Variants in TRPM2 observed in about 807,000 individuals in gnomAD.
The protein encoded by TRPM2 is transient receptor potential cation channel subfamily M member 2, also known as estrogen-responsive element-associated gene 1 protein.
Under a neutral mutation model 174.0 loss-of-function variants are expected in TRPM2, and 161 were observed. The ratio of observed to expected loss-of-function variants is 0.93; its 90% confidence interval spans 0.81 to 1.05. The LOEUF (loss-of-function observed/expected upper bound fraction) is 1.05, where lower values mean the gene tolerates loss of function less well. TRPM2 is among the 50% of genes least tolerant of loss of function. The probability of loss-of-function intolerance (pLI) is 0.00; values close to 1 mark genes in which losing one functional copy is unlikely to be tolerated. For synonymous variants in TRPM2, 954 were observed against 861.3 expected (o/e 1.11, Z -1.88); for missense variants, 2,057 against 2,038.0 (o/e 1.01, Z -0.18).
chr21:44,363,665 G>A (rs763152014), intron 2 of TRPM2, among the ~76,000 whole-genome samples: 5 of 152,126 alleles, frequency 3.3e-5, no homozygotes, highest in Non-Finnish European at 5.9e-5. Context: ...TCATCTTGGC[G>A]TTGGTGGCTG....
Position 44,391,370 on chromosome 21 carries a change from T to C in TRPM2, c.1539T>C (p.Phe513=), listed in dbSNP as rs2146241401. Residue 513 remains phenylalanine (F), a synonymous_variant, in exon 11 of 32, where the codon TTT becomes TTC. Coordinates refer to ENST00000397928, the MANE Select transcript of TRPM2 (RefSeq NM_003307.4). The surrounding 1 kb of genome is among the most constrained non-coding windows in gnomAD (Gnocchi z 5.0). ...AGAACGGGGTGCAGCTGAAGGAGTT[T>C]GTCACCTGGGACACCTTGCTCTACC... is the stretch of plus-strand genomic sequence containing the variant. The part of the protein sequence containing the change: ...FLENGVQLKE[F]VTWDTLLYLY... The C allele has an allele frequency of 6.2e-7, 1 of 1,614,190 alleles. No homozygotes were observed. Among genetic ancestry groups the C allele is most frequent in the East Asian group, 2.2e-5 (1 of 44,890 alleles).
chr21:44,423,706 C>G lies in TRPM2; in HGVS notation c.3523C>G (p.Gln1175Glu). 1 of 1,611,150 alleles carries G rather than the reference C, an allele frequency of 6.2e-7. No homozygotes were observed. The highest frequency in any genetic ancestry group is 2.2e-5 in the East Asian group (1 of 44,816). ...ACTGAAGAGGTCGGGCTCCATGGAGCAGAGGTTGGCCTCCCTGGAGGAGCA... is the reference window on the plus strand; with the variant it reads ...ACTGAAGAGGTCGGGCTCCATGGAGGAGAGGTTGGCCTCCCTGGAGGAGCA... ...DPLKRSGSME[Q>E]RLASLEEQVA... The change falls in exon 23 of 32, where the codon CAG (glutamine) becomes GAG (glutamate). Residue 1175 changes from glutamine (Q) to glutamate (E), a missense_variant. Transcript: ENST00000397928.
intron 20 of TRPM2, chr21:44,415,699 C>T (rs1259845137): frequency 6.6e-6 from 1 of 152,126 alleles, no homozygotes; most frequent in Non-Finnish European, 1.5e-5. Flanking sequence ...TCTTTAAATC[C>T]TAGTGTCTTG....
intron 15 of TRPM2, among the ~76,000 whole-genome samples, chr21:44,400,889 G>A (rs962028989): frequency 1.3e-5 from 2 of 152,222 alleles, no homozygotes; most frequent in Admixed American, 6.5e-5. Context: ...TTGCTGGGGC[G>A]TTGTGGGATC....
chr21:44,380,408 G>A (rs1009373915), intron 8 of TRPM2, among the ~76,000 whole-genome samples: 3 of 152,266 alleles, frequency 2.0e-5, no homozygotes, highest in East Asian at 1.9e-4. Context: ...GGGACTTGTC[G>A]GGCGGGCCCT....
At chr21:44,359,178 C>CCAA (rs2048142987) in intron 2 of TRPM2, among the ~76,000 whole-genome samples, 1 of 150,984 alleles carries the variant, frequency 6.6e-6, no homozygotes, top group Non-Finnish European at 1.5e-5. Context: ...CAGAGCATGG[C>CCAA]TTGGTCCATT....
At chr21:44,436,252 G>A (rs1008459160) in intron 28 of TRPM2, among the ~76,000 whole-genome samples, 4 of 152,162 alleles carry the variant, frequency 2.6e-5, no homozygotes, top group African/African-American at 9.7e-5. Flanking sequence ...CATTGGGCAG[G>A]AATGGGATTC....
chr21:44,441,613 C>CGAA, intron 31 of TRPM2, 79 bp from the exon 32 acceptor site: 4 of 1,490,968 alleles, frequency 2.7e-6, no homozygotes, highest in Non-Finnish European at 3.6e-6. Context: ...CCCAAGCCCT[C>CGAA]GAAGGCTGCA....
intron 19 of TRPM2, among the ~76,000 whole-genome samples, chr21:44,409,983 G>T (rs2050044197): frequency 6.7e-6 from 1 of 150,220 alleles, no homozygotes; most frequent in African/African-American, 2.5e-5. Context: ...TCACTCTCTT[G>T]GTTGGCGTAG....
intron 11 of TRPM2, 129 bp from the exon 12 acceptor site, chr21:44,395,285 A>T: frequency 8.7e-7 from 1 of 1,148,430 alleles, no homozygotes; most frequent in Non-Finnish European, 1.2e-6. Flanking sequence ...TGCAGGTTGT[A>T]GTTCTCCAGG....
intron 8 of TRPM2, among the ~76,000 whole-genome samples, chr21:44,381,127 G>A (rs2048868349): frequency 6.6e-6 from 1 of 152,102 alleles, no homozygotes; most frequent in Non-Finnish European, 1.5e-5. Context: ...AGGCATGGAG[G>A]TGGAGTGTGA....
chr21:44,353,685 G>A lies in TRPM2; in HGVS notation c.-16G>A. ...AGGGCAGCAGGCCTGGTTGCAGCTG[G>A]CGTGGGGGTCTCAGAATGGAGCCCT... On this transcript the variant is annotated 5_prime_UTR_variant, in exon 1 of 32. Coordinates refer to ENST00000397928, the MANE Select transcript of TRPM2 (RefSeq NM_003307.4). 1 of 1,478,716 alleles carries A rather than the reference G, an allele frequency of 6.8e-7. No individual in the cohort carries two copies. The highest frequency in any genetic ancestry group is 9.0e-7 in the Non-Finnish European group (1 of 1,116,958). 91.6% of individuals were successfully genotyped at this position (1,478,716 alleles called of 1,614,324 possible).
At chr21:44,382,689 G>A (rs777019709) in intron 8 of TRPM2, 29 bp from the exon 9 acceptor site, 1 of 1,608,414 alleles carries the variant, frequency 6.2e-7, no homozygotes, top group Admixed American at 1.7e-5. Flanking sequence ...GAGTCACTGT[G>A]TGTCTCACTT....
At position 44,418,572 on chromosome 21, in the gene TRPM2, G is replaced by A. The variant is rs2050399315; in HGVS notation, c.3461+17G>A. On this transcript the variant is annotated intron_variant, in intron 22 of 31. Transcript: ENST00000397928. Reference sequence around the variant, plus strand: ...CAGCAATAAGTATGGGGGCTCCGGTGGGCCTGGGGGCGGGAAGCCTCTGGG... The same window carrying A: ...CAGCAATAAGTATGGGGGCTCCGGTAGGCCTGGGGGCGGGAAGCCTCTGGG... 2.5e-6 allele frequency: 4 copies of A among 1,613,298 alleles called. No individual in the cohort carries two copies. Among genetic ancestry groups the A allele is most frequent in the Non-Finnish European group, 3.4e-6 (4 of 1,179,654 alleles).
At chr21:44,423,847 G>T (rs1330764474) in intron 23 of TRPM2, 115 bp downstream of exon 23, 2 of 903,210 alleles carry the variant, frequency 2.2e-6, no homozygotes, top group African/African-American at 3.3e-5. Context: ...TGAGGAGGAG[G>T]CCGGAACGTT....
rs527523757 is a variant in TRPM2 at position 44,379,236 on chromosome 21, G to T, written c.1215+39G>T. The T allele has an allele frequency of 7.5e-6, 12 of 1,598,298 alleles. No individual in the cohort carries two copies. In the South Asian group the frequency reaches 1.2e-4, roughly 16 times the overall value. On this transcript the variant is annotated intron_variant, in intron 8 of 31. Transcript: ENST00000397928. ...GCACGACGGTCACCAGCATGTGGCT[G>T]CTTTGCAGAGACACTGTCAGCCTGG...
intron 27 of TRPM2, among the ~76,000 whole-genome samples, chr21:44,429,278 C>CTTT (rs35708355): frequency 9.1e-5 from 4 of 44,190 alleles, no homozygotes; most frequent in African/African-American, 3.4e-4. Flanking sequence ...TTTTCTTTTT[C>CTTT]TTTTTTTTTT....
At chr21:44,372,267 G>A (rs955206601) in intron 5 of TRPM2, among the ~76,000 whole-genome samples, 2 of 152,230 alleles carry the variant, frequency 1.3e-5, no homozygotes, top group Non-Finnish European at 2.9e-5. Flanking sequence ...ACTTTGGGAG[G>A]CCAAGGCAGG....
intron 19 of TRPM2, among the ~76,000 whole-genome samples, chr21:44,408,910 C>T (rs1009352150): frequency 1.6e-4 from 24 of 152,258 alleles, no homozygotes; most frequent in African/African-American, 5.1e-4. Flanking sequence ...CCCGCCTTGG[C>T]CTCCCAAAGT....
Sources: gnomAD v4.1 joint callset for allele counts (sites outside exome capture counted in the v4.1 genomes callset) on GRCh38, gnomAD v4.1.1 for gene constraint, Gnocchi (gnomAD v3.1) non-coding constraint, MANE v1.5 for transcripts, NCBI Gene and HGNC (gene_info 2026-07-23, HGNC 2026-07-21) for gene names.